PDE4C: variants seen among roughly 807,000 people sequenced by gnomAD.
PDE4C encodes the protein 3',5'-cyclic-AMP phosphodiesterase 4C.
Under a neutral mutation model 63.9 loss-of-function variants are expected in PDE4C, and 50 were observed. The ratio of observed to expected loss-of-function variants is 0.78; its 90% confidence interval spans 0.62 to 0.99. PDE4C has a LOEUF of 0.99. Among genes scored for constraint, PDE4C ranks in the 50% least tolerant of loss-of-function variants. PDE4C has a pLI of 0.00. For missense variants in PDE4C, 777 were observed against 899.1 expected (o/e 0.86, Z 1.74); for synonymous variants, 377 against 385.1 (o/e 0.98, Z 0.25).
chr19:18,217,158 G>GTTTTTTTT (rs11459367), intron 11 of PDE4C: 3 of 256,612 alleles, frequency 1.2e-5, no homozygotes, highest in Non-Finnish European at 1.5e-5. Context: ...ACTCAGTAAT[G>GTTTTTTTT]TTTTTTTTTT....
chr19:18,238,908 T>C (rs939090343), intron 1 of PDE4C, among the ~76,000 whole-genome samples: 1 of 151,796 alleles, frequency 6.6e-6, no homozygotes, highest in Non-Finnish European at 1.5e-5. Flanking sequence ...GGAGAATCAC[T>C]TGAACCCGGG....
intron 12 of PDE4C, among the ~76,000 whole-genome samples, chr19:18,214,576 T>C (rs1453795452): frequency 1.3e-5 from 2 of 152,226 alleles, no homozygotes; most frequent in East Asian, 3.9e-4. Context: ...TGGGGAGGGA[T>C]GTGACTTCAT....
chr19:18,227,080 A>T (rs1365310595), upstream of PDE4C, among the ~76,000 whole-genome samples: 3 of 152,122 alleles, frequency 2.0e-5, no homozygotes, highest in Admixed American at 2.0e-4. Context: ...GCCTTCCATT[A>T]TTGAGGGCAT....
chr19:18,210,616 G>A (rs1265374960), exon 15 of PDE4C: 2 of 267,762 alleles, frequency 7.5e-6, no homozygotes, highest in Non-Finnish European at 1.4e-5. Context: ...GACCACTGGA[G>A]AGGGTGGACT....
chr19:18,211,771 C>T, exon 14 of PDE4C: 1 of 1,614,252 alleles, frequency 6.2e-7, no homozygotes, highest in Non-Finnish European at 8.5e-7. Flanking sequence ...GGGACTTCTC[C>T]ACTGAGGCCG....
At chr19:18,231,713 G>C (rs55887216) in intron 1 of PDE4C, among the ~76,000 whole-genome samples, 39,984 of 151,966 alleles carry the variant, frequency 0.26, 5,420 homozygotes, top group Middle Eastern at 0.31. Context: ...AGCTGACTTG[G>C]TTCTCCCTCC....
chr19:18,254,795 A>C, the PDE4C span, among the ~76,000 whole-genome samples: 1 of 152,212 alleles, frequency 6.6e-6, no homozygotes, highest in Non-Finnish European at 1.5e-5. Flanking sequence ...GAGGGAATTA[A>C]GTCAGACACC....
chr19:18,238,915 C>G (rs150371967), intron 1 of PDE4C, among the ~76,000 whole-genome samples: 33 of 151,550 alleles, frequency 2.2e-4, no homozygotes, highest in African/African-American at 7.5e-4. Context: ...CACTTGAACC[C>G]GGGAGGCGGA....
Position 18,221,197 on chromosome 19 carries a change from A to G in PDE4C, c.376-19T>C. On this transcript the variant is annotated intron_variant, in intron 3 of 14. Coordinates refer to ENST00000262805, the Ensembl canonical transcript of PDE4C. ...CCAGGACCTGTTGGGAGGAGGTGGT[A>G]GGCGGTGGGAAGGAGAGGCCGGATC... 1 of 1,515,358 alleles carries G rather than the reference A, an allele frequency of 6.6e-7. No homozygotes were observed. Among genetic ancestry groups the G allele is most frequent in the Middle Eastern group, 2.0e-4 (1 of 5,036 alleles). 93.9% of individuals were successfully genotyped at this position (1,515,358 alleles called of 1,614,324 possible). A position where few individuals can be genotyped will look rare whatever the true frequency, so the allele number is the denominator to read the frequency against.
chr19:18,222,529 C>T (rs1002557014), intron 1 of PDE4C, among the ~76,000 whole-genome samples: 1 of 152,084 alleles, frequency 6.6e-6, no homozygotes, highest in Non-Finnish European at 1.5e-5. Context: ...GACTCCAGGA[C>T]CTCAGTTCCA....
At chr19:18,232,276 T>C (rs1014912356) in intron 1 of PDE4C, among the ~76,000 whole-genome samples, 2 of 151,736 alleles carry the variant, frequency 1.3e-5, no homozygotes, top group African/African-American at 2.4e-5. Flanking sequence ...GGTGGGAGGA[T>C]CGCTTGAGCC....
chr19:18,216,613 G>T, intron 12 of PDE4C, 128 bp downstream of exon 12: 1 of 902,740 alleles, frequency 1.1e-6, no homozygotes, highest in Non-Finnish European at 1.7e-6. Flanking sequence ...CTCAGACAGA[G>T]TGAGGACATG....
At chr19:18,225,243 G>A (rs1968677506) in intron 1 of PDE4C, among the ~76,000 whole-genome samples, 1 of 152,196 alleles carries the variant, frequency 6.6e-6, no homozygotes, top group Admixed American at 6.5e-5. Flanking sequence ...TCGGACTTGG[G>A]TTCGGGTCTG....
upstream of PDE4C, among the ~76,000 whole-genome samples, chr19:18,237,613 C>T (rs1968973914): frequency 6.6e-6 from 1 of 151,372 alleles, no homozygotes; most frequent in Admixed American, 6.6e-5. Flanking sequence ...TGGCTCACGC[C>T]TGTAATCCCA....
intron 8 of PDE4C, 72 bp downstream of exon 8, chr19:18,219,162 A>G: frequency 6.2e-7 from 1 of 1,605,334 alleles, no homozygotes; most frequent in Admixed American, 1.7e-5. Flanking sequence ...GTGGGCAAAC[A>G]GGCCCGAGAT....
At chr19:18,233,323 A>G (rs910653240) in exon 1 of PDE4C, 1 of 1,283,352 alleles carries the variant, frequency 7.8e-7, no homozygotes, top group Admixed American at 2.0e-5. Flanking sequence ...TCCGCGCCGG[A>G]GGTGCTGAAG....
Position 18,226,265 on chromosome 19 carries a change from C to G in PDE4C, c.146+5G>C, listed in dbSNP as rs760783375. 1 of 1,558,434 alleles carries G rather than the reference C, an allele frequency of 6.4e-7. No homozygotes were observed. The highest frequency in any genetic ancestry group is 8.7e-7 in the Non-Finnish European group (1 of 1,153,532). On this transcript the variant is annotated splice_donor_5th_base_variant and intron_variant, in intron 1 of 14. Coordinates refer to ENST00000262805, the Ensembl canonical transcript of PDE4C. ...GACCCCGCCAGGCCCTCTGTCCAGC[C>G]TCACCACAGCGGATGGGCCACCGTG...
intron 1 of PDE4C, chr19:18,232,830 A>G (rs1227180394): frequency 1.2e-5 from 14 of 1,177,080 alleles, no homozygotes; most frequent in Non-Finnish European, 1.6e-5. Flanking sequence ...TCCAGGCGCC[A>G]GCCTCAACCA....
the PDE4C span, among the ~76,000 whole-genome samples, chr19:18,254,848 G>C: frequency 6.6e-6 from 1 of 152,218 alleles, no homozygotes. Context: ...TGATGACCAG[G>C]AAGTGAGTCC....
Sources: allele counts gnomAD v4.1 joint callset (sites outside exome capture counted in the v4.1 genomes callset), GRCh38; gene constraint gnomAD v4.1.1; transcripts MANE v1.5; gene names NCBI Gene and HGNC (gene_info 2026-07-23, HGNC 2026-07-21).